The following CTNNA2 variants were observed in gnomAD, a reference collection of about 807,000 sequenced individuals.
CTNNA2 encodes catenin alpha-2.
In CTNNA2, 42 loss-of-function variants were observed where a neutral mutation model predicts 101.0. The ratio of observed to expected loss-of-function variants is 0.42; its 90% confidence interval spans 0.32 to 0.54. The LOEUF (loss-of-function observed/expected upper bound fraction) is 0.54, where lower values mean the gene tolerates loss of function less well. Ranked by LOEUF, CTNNA2 falls within the 20% of genes least tolerant of loss-of-function variation. CTNNA2 has a pLI of 0.14. For missense variants in CTNNA2, 871 were observed against 1,223.1 expected (o/e 0.71, Z 4.29); for synonymous variants, 450 against 456.4 (o/e 0.99, Z 0.18).
intron 8 of CTNNA2, among the ~76,000 whole-genome samples, chr2:80,401,282 C>T (rs927983254): frequency 5.3e-5 from 8 of 152,116 alleles, no homozygotes; most frequent in Non-Finnish European, 7.4e-5. Context: ...CTGTAGTCAC[C>T]GCACCCAGGA....
chr2:80,265,604 G>A (rs544704393), intron 7 of CTNNA2, among the ~76,000 whole-genome samples: 1 of 152,224 alleles, frequency 6.6e-6, no homozygotes, highest in African/African-American at 2.4e-5. Context: ...CTGCTTACTG[G>A]CCTTACATTG....
chr2:79,858,084 G>T lies in CTNNA2; in HGVS notation c.370G>T (p.Val124Leu), dbSNP rs1317826198. The T allele has an allele frequency of 6.2e-7, 1 of 1,614,154 alleles. No homozygotes were observed. The highest frequency in any genetic ancestry group is 1.1e-5 in the South Asian group (1 of 91,074). ...CTCGTCGGTAAAGCGCGGCACCATG[G>T]TACGGGCGGCAAGGGCTTTGCTCTC... ...PCSSVKRGTM[V>L]RAARALLSAV... Residue 124 changes from valine to leucine, a missense_variant, in exon 4 of 19, where the codon GTA becomes TTA. Physicochemically the swap from Val to Leu is conservative, Grantham distance 32. Around this residue, in one of 5 missense-constraint regions of CTNNA2, gnomAD observed 647 missense variants for 831.5 expected, o/e 0.78. Transcript: ENST00000402739.
At chr2:79,984,532 A>T (rs1315973391) in intron 7 of CTNNA2, among the ~76,000 whole-genome samples, 1 of 152,110 alleles carries the variant, frequency 6.6e-6, no homozygotes, top group Non-Finnish European at 1.5e-5. Context: ...CTTTGTGCTG[A>T]TCTATACTTA....
chr2:80,633,094 A>G lies in CTNNA2; in HGVS notation c.2574+13866A>G, dbSNP rs148329160. Among the ~76,000 whole-genome samples, 826 of 152,292 alleles carry G rather than the reference A, an allele frequency of 5.4e-3. 7 individuals are homozygous for G. Among genetic ancestry groups the G allele is most frequent in the African/African-American group, 0.018 (760 of 41,580 alleles). The stretch of plus-strand genomic sequence containing the variant: ...TGGTTGAACAAGAAATACAGGGAAT[A>G]GCATGTTTCAGATGGTATAGATGAT... On this transcript the variant is annotated intron_variant, in intron 18 of 18. Coordinates refer to ENST00000402739, the MANE Select transcript of CTNNA2 (RefSeq NM_001282597.3).
At chr2:80,491,426 G>A (rs1687052510) in intron 9 of CTNNA2, among the ~76,000 whole-genome samples, 1 of 152,182 alleles carries the variant, frequency 6.6e-6, no homozygotes, top group Non-Finnish European at 1.5e-5. Context: ...TGTGTAGTTA[G>A]ACTAGTTATT....
chr2:79,484,652 C>T (rs1044427432), intron 4 of CTNNA2, among the ~76,000 whole-genome samples: 12 of 152,078 alleles, frequency 7.9e-5, no homozygotes, highest in African/African-American at 2.7e-4. Flanking sequence ...TCTCCTCAGG[C>T]GTATTGCACA....
At position 79,350,510 on chromosome 2, in the gene CTNNA2, C is replaced by T. The variant is rs182640636; in HGVS notation, c.-317-23321C>T. Among the ~76,000 whole-genome samples, 54 of 152,158 alleles carry T rather than the reference C, an allele frequency of 3.5e-4. No homozygotes were observed. The South Asian group carries it at 4.8e-3, about 13-fold the overall frequency. ...ATAGTATTCTATGATATATATATGC[C>T]ACATTTTTTTTATTCCAATCCACCT... On this transcript the variant is annotated intron_variant, in intron 3 of 21. Transcript: ENST00000466387.
At chr2:79,725,460 A>T (rs77924009) in intron 2 of CTNNA2, among the ~76,000 whole-genome samples, 4,393 of 152,292 alleles carry the variant, frequency 0.029, 202 homozygotes, top group African/African-American at 0.096. Flanking sequence ...ATGCTCCAAG[A>T]GTGTTCTTTG....
At chr2:80,570,375 T>A (rs1694477452) in intron 12 of CTNNA2, among the ~76,000 whole-genome samples, 1 of 152,182 alleles carries the variant, frequency 6.6e-6, no homozygotes, top group Admixed American at 6.5e-5. Flanking sequence ...CAGAATAGGA[T>A]AAGACCGAAT....
chr2:80,471,880 G>A (rs950466049), intron 9 of CTNNA2, among the ~76,000 whole-genome samples: 12 of 152,176 alleles, frequency 7.9e-5, no homozygotes, highest in South Asian at 2.1e-4. Flanking sequence ...TAATCACAGC[G>A]TTTAGGAGGC....
intron 2 of CTNNA2, among the ~76,000 whole-genome samples, chr2:79,709,055 A>C (rs1347900591): frequency 6.6e-6 from 1 of 152,202 alleles, no homozygotes; most frequent in Non-Finnish European, 1.5e-5. Context: ...GAGTGGAATA[A>C]AATTGAAAAG....
chr2:79,393,994 A>G (rs1457734852), intron 4 of CTNNA2, among the ~76,000 whole-genome samples: 1 of 152,004 alleles, frequency 6.6e-6, no homozygotes, highest in Non-Finnish European at 1.5e-5. Flanking sequence ...GCTGACAGGA[A>G]TCCCATTATC....
intron 7 of CTNNA2, among the ~76,000 whole-genome samples, chr2:80,235,607 A>G (rs1053464698): frequency 2.0e-5 from 3 of 152,206 alleles, no homozygotes; most frequent in Non-Finnish European, 4.4e-5. Flanking sequence ...AAAGTTTATT[A>G]GAAGAAGATT....
chr2:79,452,392 C>T (rs1670766386), intron 4 of CTNNA2, among the ~76,000 whole-genome samples: 2 of 151,772 alleles, frequency 1.3e-5, no homozygotes, highest in African/African-American at 4.8e-5. Context: ...GAAAGAAATG[C>T]CACAGATGAA....
At chr2:79,443,851 C>G (rs1271197744) in intron 4 of CTNNA2, among the ~76,000 whole-genome samples, 1 of 151,618 alleles carries the variant, frequency 6.6e-6, no homozygotes, top group African/African-American at 2.4e-5. Flanking sequence ...ATGTCACTTT[C>G]ATGATAATAA....
At chr2:80,321,466 G>A (rs1330291300) in intron 7 of CTNNA2, among the ~76,000 whole-genome samples, 1 of 152,208 alleles carries the variant, frequency 6.6e-6, no homozygotes. Context: ...TTGAGATGAA[G>A]TGAAAGAAGT....
intron 3 of CTNNA2, among the ~76,000 whole-genome samples, chr2:79,333,108 G>T (rs1676912417): frequency 6.6e-6 from 1 of 152,118 alleles, no homozygotes; most frequent in South Asian, 2.1e-4. Context: ...TGGATGTTTT[G>T]AATCATCAGA....
At chr2:79,369,706 A>C (rs1677828835) in intron 3 of CTNNA2, among the ~76,000 whole-genome samples, 1 of 150,996 alleles carries the variant, frequency 6.6e-6, no homozygotes. Context: ...TCCTCCTAAC[A>C]CTCCTTACAC....
chr2:79,674,507 G>T (rs1240158837), intron 2 of CTNNA2, among the ~76,000 whole-genome samples: 1 of 152,022 alleles, frequency 6.6e-6, no homozygotes, highest in African/African-American at 2.4e-5. Flanking sequence ...ATTTCTAAAT[G>T]GCATGACCCC....
Sources: allele counts gnomAD v4.1 joint callset (sites outside exome capture counted in the v4.1 genomes callset), GRCh38; gene constraint gnomAD v4.1.1; regional missense constraint gnomAD v4.1.1; transcripts MANE v1.5; gene names NCBI Gene and HGNC (gene_info 2026-07-23, HGNC 2026-07-21).